The following DYDC1 variants were observed in gnomAD, a reference collection of about 807,000 sequenced individuals.
DYDC1 encodes the protein DPY30 domain containing 1, also known as DPY30 domain-containing protein 1.
Under a neutral mutation model 27.9 loss-of-function variants are expected in DYDC1, and 21 were observed. The observed-to-expected ratio is 0.75, with a 90% CI of 0.53 to 1.08. DYDC1 has a LOEUF of 1.08. Among genes scored for constraint, DYDC1 ranks in the 50% least tolerant of loss-of-function variants. The probability of loss-of-function intolerance (pLI) is 0.00; values close to 1 mark genes in which losing one functional copy is unlikely to be tolerated. For synonymous variants in DYDC1, 67 were observed against 65.8 expected (o/e 1.02, Z -0.09); for missense variants, 202 against 205.9 (o/e 0.98, Z 0.12).
At chr10:80,353,384 G>C (rs1388533863) in intron 1 of DYDC1, among the ~76,000 whole-genome samples, 1 of 151,206 alleles carries the variant, frequency 6.6e-6, no homozygotes, top group Non-Finnish European at 1.5e-5. Context: ...GGATGGTCTC[G>C]ATCTCCTGAC....
At chr10:80,346,440 C>CTTTCTTTTTT (rs1842629030) in intron 3 of DYDC1, among the ~76,000 whole-genome samples, 1 of 92,416 alleles carries the variant, frequency 1.1e-5, no homozygotes, top group African/African-American at 6.1e-5. Flanking sequence ...TGTCTCTTCC[C>CTTTCTTTTTT]TTTCTTTTTT....
At chr10:80,343,888 C>T (rs542609394) in intron 3 of DYDC1, among the ~76,000 whole-genome samples, 126 of 151,906 alleles carry the variant, frequency 8.3e-4, no homozygotes, top group Non-Finnish European at 1.5e-3. Context: ...AATACCAGCA[C>T]TTGGAAGGCC....
At chr10:80,352,202 G>A (rs895238955) in intron 2 of DYDC1, among the ~76,000 whole-genome samples, 200 bp from the exon 3 acceptor site, 1 of 152,110 alleles carries the variant, frequency 6.6e-6, no homozygotes, top group African/African-American at 2.4e-5. Context: ...CATTGTGTAT[G>A]ATCACAAGTA....
chr10:80,352,060 A>G, intron 2 of DYDC1, 58 bp from the exon 3 acceptor site: 2 of 1,539,956 alleles, frequency 1.3e-6, no homozygotes, highest in Non-Finnish European at 1.8e-6. Flanking sequence ...AATTTGTAAA[A>G]GCAATCTTGA....
At chr10:80,355,319 C>A (rs2132860278) in intron 1 of DYDC1, among the ~76,000 whole-genome samples, 1 of 151,770 alleles carries the variant, frequency 6.6e-6, no homozygotes, top group South Asian at 2.1e-4. Flanking sequence ...TATGGATGAA[C>A]CCCAGGATGT....
chr10:80,336,192 G>A lies in DYDC1; in HGVS notation c.505-7C>T. 6.4e-7 allele frequency: 1 copy of A among 1,571,076 alleles called. No homozygotes were observed. On this transcript the variant is annotated splice_region_variant and splice_polypyrimidine_tract_variant and intron_variant, in intron 6 of 6. Transcript: ENST00000372202. ...GATCAATGTTTAATGCAATCTAAAA[G>A]CAAAACAAAAAGTAAATATTCCTTA... is the stretch of plus-strand genomic sequence containing the variant.
intron 4 of DYDC1, among the ~76,000 whole-genome samples, chr10:80,341,516 T>C (rs980168226): frequency 2.7e-5 from 4 of 150,162 alleles, no homozygotes; most frequent in African/African-American, 7.4e-5. Context: ...AGTCCATGTA[T>C]GAACATATTT....
At chr10:80,341,442 C>CAAAAAAA (rs58419721) in intron 4 of DYDC1, among the ~76,000 whole-genome samples, 3 of 46,758 alleles carry the variant, frequency 6.4e-5, no homozygotes, top group African/African-American at 1.7e-4. Context: ...GACTCTGTCT[C>CAAAAAAA]AAAAAAAAAA....
chr10:80,336,059 G>A (rs2132731330), downstream of DYDC1: 1 of 770,764 alleles, frequency 1.3e-6, no homozygotes, highest in Non-Finnish European at 2.2e-6. Flanking sequence ...AAAAAAAAGG[G>A]GAGTTCAAGT....
At chr10:80,341,442 C>CAAAAAAAA (rs58419721) in intron 4 of DYDC1, among the ~76,000 whole-genome samples, 88 of 45,870 alleles carry the variant, frequency 1.9e-3, no homozygotes, top group East Asian at 5.2e-3. Flanking sequence ...GACTCTGTCT[C>CAAAAAAAA]AAAAAAAAAA....
At chr10:80,342,119 GGTTATGAGACTT>G (rs1180265936) in intron 4 of DYDC1, 138 bp downstream of exon 4, 11 of 657,404 alleles carry the variant, frequency 1.7e-5, no homozygotes, top group Non-Finnish European at 2.8e-5. Flanking sequence ...GACTGAAAAA[GGTTATGAGACTT>G]GTTTAGCTTA....
chr10:80,336,343 A>G, intron 6 of DYDC1, 158 bp from the exon 7 acceptor site: 1 of 981,996 alleles, frequency 1.0e-6, no homozygotes, highest in Non-Finnish European at 1.2e-6. Flanking sequence ...ATTGAATATA[A>G]CCATAAATTA....
intron 3 of DYDC1, among the ~76,000 whole-genome samples, chr10:80,350,793 G>A (rs1468916641): frequency 1.3e-5 from 2 of 152,100 alleles, no homozygotes; most frequent in Non-Finnish European, 1.5e-5. Flanking sequence ...TAGCTTAGAA[G>A]CTCTCTATAA....
intron 3 of DYDC1, among the ~76,000 whole-genome samples, chr10:80,347,853 T>C (rs1331391333): frequency 1.3e-5 from 2 of 152,240 alleles, no homozygotes; most frequent in Admixed American, 1.3e-4. Flanking sequence ...GTAATTACTA[T>C]GGCTTTGTAA....
chr10:80,354,335 A>G (rs900307656), intron 1 of DYDC1: 2 of 150,302 alleles, frequency 1.3e-5, no homozygotes, highest in African/African-American at 4.9e-5. Flanking sequence ...AAAAATACAA[A>G]ATTATCTGGG....
At chr10:80,349,471 C>T (rs1054938651) in intron 3 of DYDC1, among the ~76,000 whole-genome samples, 2 of 152,048 alleles carry the variant, frequency 1.3e-5, no homozygotes, top group Admixed American at 6.6e-5. Flanking sequence ...TACTATCTGA[C>T]AATGCATTCT....
chr10:80,352,620 A>G lies in DYDC1; in HGVS notation c.-9-10T>C. The G allele has an allele frequency of 1.3e-6, 2 of 1,594,232 alleles. No individual in the cohort carries two copies. Among genetic ancestry groups the G allele is most frequent in the South Asian group, 1.2e-5 (1 of 86,812 alleles). ...ACTCCATTTCTAACTCCTAAAAAGT[A>G]AGTGTTTTTGCATTACTGCAGGATA... On this transcript the variant is annotated splice_polypyrimidine_tract_variant and intron_variant, in intron 1 of 6. Coordinates refer to ENST00000372202, the MANE Select transcript of DYDC1 (RefSeq NM_001269053.2).
chr10:80,346,475 T>TTTTTTC (rs1448974453), intron 3 of DYDC1, among the ~76,000 whole-genome samples: 1 of 141,972 alleles, frequency 7.0e-6, no homozygotes. Flanking sequence ...TTTTTTTCTT[T>TTTTTTC]TTTGAGACGG....
chr10:80,342,502 T>C, intron 3 of DYDC1, 141 bp from the exon 4 acceptor site: 1 of 647,198 alleles, frequency 1.5e-6, no homozygotes, highest in South Asian at 3.2e-5. Context: ...TCCTGAAGCA[T>C]AAAATTTTTA....
Sources: allele counts gnomAD v4.1 joint callset (sites outside exome capture counted in the v4.1 genomes callset), GRCh38; gene constraint gnomAD v4.1.1; transcripts MANE v1.5; gene names NCBI Gene and HGNC (gene_info 2026-07-23, HGNC 2026-07-21).